FGGY: variants seen among roughly 807,000 people sequenced by gnomAD.
The protein encoded by FGGY is FGGY carbohydrate kinase domain containing.
In FGGY, 72 loss-of-function variants were observed where a neutral mutation model predicts 71.3. That is an observed-to-expected ratio of 1.01 (90% CI 0.84 to 1.23). The LOEUF (loss-of-function observed/expected upper bound fraction) is 1.23, where lower values mean the gene tolerates loss of function less well. Ranked by LOEUF, FGGY falls within the 50% of genes most tolerant of loss-of-function variation. The pLI is 0.00. For missense variants in FGGY, 668 were observed against 682.3 expected (o/e 0.98, Z 0.23); for synonymous variants, 251 against 250.3 (o/e 1.00, Z -0.02).
intron 12 of FGGY, among the ~76,000 whole-genome samples, chr1:59,662,967 G>T (rs1326979776): frequency 6.6e-6 from 1 of 152,216 alleles, no homozygotes; most frequent in East Asian, 1.9e-4. Flanking sequence ...ATATTGAAAT[G>T]AATAATCTTG....
chr1:59,321,485 C>A, intron 1 of FGGY, 51 bp from the exon 2 acceptor site: 1 of 1,519,240 alleles, frequency 6.6e-7, no homozygotes, highest in South Asian at 1.2e-5. Flanking sequence ...TTGTGACTGT[C>A]TTTGCAGATC....
intron 14 of FGGY, among the ~76,000 whole-genome samples, chr1:59,678,138 C>T (rs1037067591): frequency 1.1e-4 from 16 of 152,224 alleles, no homozygotes; most frequent in South Asian, 6.2e-4. Flanking sequence ...TTTATATCTG[C>T]GGTTTAATGA....
chr1:59,450,493 A>G (rs1432002717), intron 5 of FGGY, among the ~76,000 whole-genome samples: 1 of 152,118 alleles, frequency 6.6e-6, no homozygotes, highest in Non-Finnish European at 1.5e-5. Flanking sequence ...TGCATGAATT[A>G]TAAAGTATTC....
At chr1:59,702,719 G>A (rs1240049817) in intron 14 of FGGY, among the ~76,000 whole-genome samples, 3 of 152,104 alleles carry the variant, frequency 2.0e-5, no homozygotes, top group Admixed American at 2.0e-4. Flanking sequence ...CCGTAAAGTG[G>A]AACTATGCCA....
At chr1:59,418,200 G>A (rs1017034537) in intron 5 of FGGY, among the ~76,000 whole-genome samples, 1 of 152,146 alleles carries the variant, frequency 6.6e-6, no homozygotes, top group Admixed American at 6.5e-5. Context: ...GGGTTGAGTG[G>A]GAGGGCAAAA....
chr1:59,575,954 C>T (rs2096068549), intron 8 of FGGY, among the ~76,000 whole-genome samples: 1 of 152,122 alleles, frequency 6.6e-6, no homozygotes, highest in South Asian at 2.1e-4. Context: ...GCTATATATA[C>T]AAGATCATAT....
chr1:59,621,112 A>G (rs2096802067), intron 9 of FGGY, among the ~76,000 whole-genome samples: 1 of 152,026 alleles, frequency 6.6e-6, no homozygotes. Context: ...TGTGTATATG[A>G]AGAGAAAACG....
At chr1:59,402,982 A>G (rs1236263856) in intron 5 of FGGY, among the ~76,000 whole-genome samples, 9 of 152,132 alleles carry the variant, frequency 5.9e-5, no homozygotes, top group African/African-American at 1.9e-4. Flanking sequence ...ACTCATTGCT[A>G]GGATACAGAT....
chr1:59,612,589 T>G (rs2096699392), intron 9 of FGGY, among the ~76,000 whole-genome samples: 1 of 152,146 alleles, frequency 6.6e-6, no homozygotes, highest in Admixed American at 6.5e-5. Context: ...CTGCATCAAC[T>G]AACAGGCAAA....
At chr1:59,667,495 T>C (rs1420236763) in intron 13 of FGGY, 92 bp downstream of exon 13, 1 of 1,406,910 alleles carries the variant, frequency 7.1e-7, no homozygotes, top group Admixed American at 2.0e-5. Context: ...TAGGAGGATA[T>C]ATGCGGTATG....
At chr1:59,474,005 G>T (rs1045084124) in intron 6 of FGGY, 2 of 152,172 alleles carry the variant, frequency 1.3e-5, no homozygotes, top group Non-Finnish European at 2.9e-5. Flanking sequence ...GAAGCCTGTA[G>T]AAATGTTCTT....
intron 4 of FGGY, among the ~76,000 whole-genome samples, chr1:59,350,514 A>G (rs1030919589): frequency 2.0e-5 from 3 of 152,182 alleles, no homozygotes; most frequent in African/African-American, 4.8e-5. Context: ...ACTGTGGTTC[A>G]TCTGTGTTAT....
At chr1:59,679,385 T>G (rs1490333106) in intron 14 of FGGY, among the ~76,000 whole-genome samples, 5 of 152,174 alleles carry the variant, frequency 3.3e-5, no homozygotes, top group Admixed American at 6.5e-5. Context: ...ATAAAGCTGA[T>G]TATCATTATT....
At chr1:59,652,932 G>A (rs1454193069) in intron 11 of FGGY, among the ~76,000 whole-genome samples, 2 of 152,144 alleles carry the variant, frequency 1.3e-5, no homozygotes, top group Admixed American at 6.5e-5. Flanking sequence ...TGGGTTTTCG[G>A]TGTGGATGTC....
chr1:59,584,170 C>T (rs1195820861), intron 8 of FGGY, among the ~76,000 whole-genome samples: 1 of 149,204 alleles, frequency 6.7e-6, no homozygotes, highest in Non-Finnish European at 1.5e-5. Context: ...TTTATGAGGC[C>T]AGCAACATCC....
chr1:59,563,854 T>C (rs1008827021), intron 8 of FGGY, among the ~76,000 whole-genome samples: 1 of 152,098 alleles, frequency 6.6e-6, no homozygotes, highest in African/African-American at 2.4e-5. Flanking sequence ...TGTAGACCCA[T>C]GGAACAGAAG....
chr1:59,458,784 T>G (rs1414388536), intron 6 of FGGY, among the ~76,000 whole-genome samples: 1 of 152,220 alleles, frequency 6.6e-6, no homozygotes, highest in African/African-American at 2.4e-5. Flanking sequence ...TGTGTGATGT[T>G]TCCTTTGATT....
intron 14 of FGGY, among the ~76,000 whole-genome samples, chr1:59,697,421 A>G (rs531708928): frequency 1.2e-4 from 18 of 152,182 alleles, no homozygotes; most frequent in African/African-American, 4.3e-4. Context: ...TACTCTTTAG[A>G]TACCTCATAT....
intron 6 of FGGY, among the ~76,000 whole-genome samples, chr1:59,490,206 A>G (rs2093784086): frequency 1.3e-5 from 2 of 152,094 alleles, no homozygotes; most frequent in African/African-American, 2.4e-5. Flanking sequence ...GCACACCACC[A>G]TACCCACCTA....
Sources: allele counts gnomAD v4.1 joint callset (sites outside exome capture counted in the v4.1 genomes callset), GRCh38; gene constraint gnomAD v4.1.1; transcripts MANE v1.5; gene names NCBI Gene and HGNC (gene_info 2026-07-23, HGNC 2026-07-21).